Variants in PTPN13 observed in about 807,000 individuals in gnomAD.
PTPN13 encodes the protein tyrosine-protein phosphatase non-receptor type 13.
PTPN13 carries 191 observed loss-of-function variants against 284.0 expected under a neutral mutation model. That is an observed-to-expected ratio of 0.67 (90% CI 0.60 to 0.76). PTPN13 has a LOEUF of 0.76. Ranked by LOEUF, PTPN13 falls within the 30% of genes least tolerant of loss-of-function variation. The probability of loss-of-function intolerance (pLI) is 0.00; values close to 1 mark genes in which losing one functional copy is unlikely to be tolerated. For synonymous variants in PTPN13, 986 were observed against 1,022.3 expected (o/e 0.96, Z 0.68); for missense variants, 2,797 against 2,939.9 (o/e 0.95, Z 1.12).
rs1203881913 is a variant in PTPN13 at position 86,651,713 on chromosome 4, G to A, written c.115+16342G>A. Among the ~76,000 whole-genome samples, 3 of 152,162 alleles carry A rather than the reference G, an allele frequency of 2.0e-5. No homozygotes were observed. In the South Asian group the frequency reaches 6.2e-4, roughly 32 times the overall value. On this transcript the variant is annotated intron_variant, in intron 2 of 47. Coordinates refer to ENST00000411767, the MANE Select transcript of PTPN13 (RefSeq NM_080683.3). The stretch of plus-strand genomic sequence containing the variant: ...TTCTTCATGCTTCACTCTTGGTTGG[G>A]TGTATATTTCTAGGAATTGATCCAT...
At chr4:86,626,806 A>G (rs1242065401) in intron 1 of PTPN13, among the ~76,000 whole-genome samples, 1 of 152,144 alleles carries the variant, frequency 6.6e-6, no homozygotes, top group Non-Finnish European at 1.5e-5. Context: ...TGGATTTTCA[A>G]CTGCACAGAG....
chr4:86,648,846 A>G (rs1724749372), intron 2 of PTPN13, among the ~76,000 whole-genome samples: 1 of 152,190 alleles, frequency 6.6e-6, no homozygotes, highest in Non-Finnish European at 1.5e-5. Flanking sequence ...CATTCCCACC[A>G]ACAGTATACA....
chr4:86,693,994 C>T (rs1019911267), intron 6 of PTPN13, among the ~76,000 whole-genome samples: 3 of 151,644 alleles, frequency 2.0e-5, no homozygotes, highest in Non-Finnish European at 2.9e-5. Context: ...TAAAGCATGA[C>T]TAAATAAACA....
chr4:86,813,926 TTTTTC>T (rs1745509921), intron 47 of PTPN13, among the ~76,000 whole-genome samples: 1 of 151,840 alleles, frequency 6.6e-6, no homozygotes, highest in Admixed American at 6.6e-5. Flanking sequence ...TCCCTCAGGC[TTTTTC>T]TTTTCTTGTT....
intron 2 of PTPN13, among the ~76,000 whole-genome samples, chr4:86,663,893 A>G (rs191057911): frequency 6.6e-6 from 1 of 152,216 alleles, no homozygotes; most frequent in Non-Finnish European, 1.5e-5. Context: ...AACAAAAAGC[A>G]TCAGGAAAGG....
intron 7 of PTPN13, among the ~76,000 whole-genome samples, chr4:86,715,019 T>C (rs1213183155): frequency 1.3e-5 from 2 of 152,074 alleles, no homozygotes; most frequent in South Asian, 2.1e-4. Context: ...AAAAAAGATA[T>C]TCAGGTAAAG....
rs779779342 is a variant in PTPN13, at chr4:86,701,714, A to T, written c.1108A>T (p.Thr370Ser). 7 of 1,613,978 alleles carry T rather than the reference A, an allele frequency of 4.3e-6. No individual in the cohort carries two copies. Among genetic ancestry groups the T allele is most frequent in the Non-Finnish European group, 5.9e-6 (7 of 1,179,872 alleles). ...AATATATCACACTCGAGAATTGCCC[A>T]CCTCCTCAGCAATATCAAGTGCTTT... Reference protein sequence around the residue: ...DPIYHTRELPTSSAISSALDR... With the variant: ...DPIYHTRELPSSSAISSALDR... Residue 370 changes from threonine to serine, a missense_variant, in exon 7 of 48, where the codon ACC becomes TCC. Physicochemically the swap from Thr to Ser is moderately conservative, Grantham distance 58. Transcript: ENST00000411767.
chr4:86,602,706 T>G (rs887251066), intron 1 of PTPN13, among the ~76,000 whole-genome samples: 2 of 151,906 alleles, frequency 1.3e-5, no homozygotes. Context: ...TTTTTTTTTT[T>G]TTTTGAGACA....
chr4:86,785,712 A>G (rs1366365290), intron 39 of PTPN13, 136 bp from the exon 40 acceptor site: 1 of 496,992 alleles, frequency 2.0e-6, no homozygotes. Context: ...ATTTCTTCCT[A>G]ACTTTTCTAG....
chr4:86,679,621 A>G (rs1400187846), intron 3 of PTPN13, among the ~76,000 whole-genome samples: 4 of 152,218 alleles, frequency 2.6e-5, no homozygotes, highest in African/African-American at 9.6e-5. Context: ...AATGAGTAAA[A>G]ATAATTTTTT....
intron 17 of PTPN13, among the ~76,000 whole-genome samples, chr4:86,746,073 G>C (rs1467597550): frequency 6.6e-6 from 1 of 152,098 alleles, no homozygotes. Flanking sequence ...TTTTACTTGG[G>C]TGCATCCCTG....
At chr4:86,763,898 G>A (rs1401103814) in intron 24 of PTPN13, among the ~76,000 whole-genome samples, 4 of 152,092 alleles carry the variant, frequency 2.6e-5, no homozygotes, top group African/African-American at 7.2e-5. Flanking sequence ...GGAAGGGAGG[G>A]AGAGAGATAA....
At position 86,780,358 on chromosome 4, in the gene PTPN13, A is replaced by G. The variant is rs756257418; in HGVS notation, c.5892-44A>G. ...TGCTTGGGCCTGGGAGGTCAAGGCT[A>G]CAATGTCCAAGACAATTTACAGTTG... On this transcript the variant is annotated intron_variant, in intron 35 of 47. Transcript: ENST00000411767. The G allele has an allele frequency of 2.9e-5, 44 of 1,536,720 alleles. No individual in the cohort carries two copies. In the South Asian group the frequency reaches 3.3e-4, roughly 12 times the overall value.
rs750738215 is a variant in PTPN13 at position 86,809,844 on chromosome 4, G to A, written c.7159G>A (p.Asp2387Asn). The A allele has an allele frequency of 1.9e-6, 3 of 1,613,854 alleles. No homozygotes were observed. Among genetic ancestry groups the A allele is most frequent in the South Asian group, 2.2e-5 (2 of 91,086 alleles). ...PDHDTPSQPD[D>N]LLTFISYMRH... ...CCATGATACACCTTCTCAACCAGAT[G>A]ATCTGCTTACTTTTATCTCCTACAT... is the stretch of plus-strand genomic sequence containing the variant. The change falls in exon 46 of 48, where the codon GAT (aspartate) becomes AAT (asparagine). Residue 2387 changes from aspartate (D) to asparagine (N), a missense_variant. Physicochemically the swap from Asp to Asn is conservative, Grantham distance 23 (BLOSUM62 1). Transcript: ENST00000411767.
chr4:86,716,454 A>G (rs367688167), intron 7 of PTPN13, 76 bp from the exon 8 acceptor site: 1 of 885,608 alleles, frequency 1.1e-6, no homozygotes, highest in African/African-American at 1.7e-5. Flanking sequence ...GTCCCACAGG[A>G]TTAAAATTAA....
At chr4:86,757,138 G>A (rs1231158436) in intron 20 of PTPN13, among the ~76,000 whole-genome samples, 1 of 152,052 alleles carries the variant, frequency 6.6e-6, no homozygotes, top group African/African-American at 2.4e-5. Context: ...TGTCAATTAA[G>A]TGTCATATTT....
chr4:86,665,829 G>A (rs944929922), intron 2 of PTPN13, among the ~76,000 whole-genome samples: 3 of 152,052 alleles, frequency 2.0e-5, no homozygotes, highest in South Asian at 4.1e-4. Context: ...GTCTTCTGTG[G>A]GGGGAAAATG....
intron 6 of PTPN13, among the ~76,000 whole-genome samples, chr4:86,694,246 T>A (rs968539173): frequency 6.6e-6 from 1 of 151,972 alleles, no homozygotes; most frequent in Admixed American, 6.6e-5. Flanking sequence ...TAATTCTGTA[T>A]CCTATGATAA....
At chr4:86,685,723 C>T (rs1367394588) in intron 3 of PTPN13, among the ~76,000 whole-genome samples, 3 of 152,172 alleles carry the variant, frequency 2.0e-5, no homozygotes, top group Admixed American at 1.3e-4. Context: ...TTGTGAAAAA[C>T]TCTTACATGT....
Sources: allele counts gnomAD v4.1 joint callset (sites outside exome capture counted in the v4.1 genomes callset), GRCh38; gene constraint gnomAD v4.1.1; transcripts MANE v1.5; gene names NCBI Gene and HGNC (gene_info 2026-07-23, HGNC 2026-07-21).